Variants in GRIK1 observed in about 807,000 individuals in gnomAD.
The protein encoded by GRIK1 is glutamate receptor ionotropic, kainate 1.
GRIK1 carries 69 observed loss-of-function variants against 105.7 expected under a neutral mutation model. The ratio of observed to expected loss-of-function variants is 0.65; its 90% CI spans 0.54 to 0.80. The LOEUF (loss-of-function observed/expected upper bound fraction) is 0.80. GRIK1 is among the 30% of genes least tolerant of loss of function. The pLI, the probability that GRIK1 is intolerant of heterozygous loss-of-function variation, is 0.00. For synonymous variants in GRIK1, 438 were observed against 431.3 expected, an observed-to-expected ratio of 1.02 and a Z score of -0.19; for missense variants, 1,109 against 1,167.3, an observed-to-expected ratio of 0.95 and a Z score of 0.73.
intron 3 of GRIK1, among the ~76,000 whole-genome samples, chr21:29,674,991 A>G (rs2063238162): frequency 6.6e-6 from 1 of 152,208 alleles, no homozygotes; most frequent in African/African-American, 2.4e-5. Flanking sequence ...GTCATGAACT[A>G]CTGAGGAGCA....
intron 3 of GRIK1, among the ~76,000 whole-genome samples, chr21:29,686,910 A>T (rs541943058): frequency 1.1e-4 from 16 of 152,274 alleles, no homozygotes; most frequent in African/African-American, 3.6e-4. Context: ...CTAATGAATC[A>T]TGAGGGGAGG....
intron 16 of GRIK1, among the ~76,000 whole-genome samples, chr21:29,540,455 G>A (rs185981960): frequency 6.6e-6 from 1 of 152,136 alleles, no homozygotes; most frequent in Admixed American, 6.5e-5. Context: ...AGTTTTTGCT[G>A]TAGTCACAAG....
chr21:29,900,449 A>C (rs2070353052), intron 1 of GRIK1, among the ~76,000 whole-genome samples: 1 of 147,204 alleles, frequency 6.8e-6, no homozygotes, highest in South Asian at 2.2e-4. Flanking sequence ...TCTACCAAAC[A>C]AATGGAAAGC....
chr21:29,741,993 G>A (rs1054169877), intron 1 of GRIK1, among the ~76,000 whole-genome samples: 1 of 152,114 alleles, frequency 6.6e-6, no homozygotes, highest in African/African-American at 2.4e-5. Flanking sequence ...TCATGGAGAA[G>A]GTACAATGGC....
intron 1 of GRIK1, among the ~76,000 whole-genome samples, chr21:29,834,280 T>C (rs904366836): frequency 6.7e-6 from 1 of 149,874 alleles, no homozygotes; most frequent in African/African-American, 2.4e-5. Context: ...AATTTATTTT[T>C]TGAAAACTAT....
intron 4 of GRIK1, among the ~76,000 whole-genome samples, chr21:29,667,589 G>T (rs1008174801): frequency 1.3e-5 from 2 of 152,114 alleles, no homozygotes; most frequent in African/African-American, 4.8e-5. Flanking sequence ...AATATTCATT[G>T]CCACTAGTGT....
chr21:29,791,955 AT>A (rs1384643494), intron 1 of GRIK1, among the ~76,000 whole-genome samples: 1 of 152,172 alleles, frequency 6.6e-6, no homozygotes, highest in African/African-American at 2.4e-5. Flanking sequence ...GCAAATAAGA[AT>A]GTTTGCTTTA....
At chr21:29,667,737 A>G (rs901799478) in intron 4 of GRIK1, among the ~76,000 whole-genome samples, 3 of 152,142 alleles carry the variant, frequency 2.0e-5, no homozygotes, top group East Asian at 1.9e-4. Context: ...GGAGCTTCCC[A>G]TTGAATGGAG....
At chr21:29,588,066 C>G in intron 11 of GRIK1, among the ~76,000 whole-genome samples, 1 of 145,738 alleles carries the variant, frequency 6.9e-6, no homozygotes, top group Non-Finnish European at 1.5e-5. Flanking sequence ...GATCCACCTC[C>G]CAGGTTCATG....
intron 1 of GRIK1, among the ~76,000 whole-genome samples, chr21:29,695,397 A>G (rs1284340691): frequency 6.6e-6 from 1 of 152,058 alleles, no homozygotes; most frequent in Non-Finnish European, 1.5e-5. Context: ...AATGCTAAAC[A>G]CTTGTAACTT....
rs187947004 is a variant in GRIK1, at chr21:29,783,919, G to A, written c.119-89856C>T. Among the ~76,000 whole-genome samples, 834 of 152,116 alleles carry A rather than the reference G, an allele frequency of 5.5e-3. 6 individuals are homozygous for A. The highest frequency in any genetic ancestry group is 6.4e-3 in the Non-Finnish European group (434 of 67,966). On this transcript the variant is annotated intron_variant, in intron 1 of 17. Coordinates refer to ENST00000327783, the MANE Select transcript of GRIK1 (RefSeq NM_001330994.2). ...CAGCCCTATGAACAAACTGAGCCCC[G>A]ACTGTTGTTTTTTTGCTCTTTGTTT...
At chr21:29,716,610 A>G (rs1309098493) in intron 1 of GRIK1, among the ~76,000 whole-genome samples, 1 of 152,210 alleles carries the variant, frequency 6.6e-6, no homozygotes, top group Non-Finnish European at 1.5e-5. Flanking sequence ...GCAAAGAGAC[A>G]GCATTTTGCT....
intron 1 of GRIK1, among the ~76,000 whole-genome samples, chr21:29,880,359 T>A (rs1490358327): frequency 6.6e-6 from 1 of 152,168 alleles, no homozygotes; most frequent in African/African-American, 2.4e-5. Flanking sequence ...CAACTTCAGA[T>A]GTGCATTAAG....
At chr21:29,624,319 A>G (rs2062072986) in intron 7 of GRIK1, among the ~76,000 whole-genome samples, 1 of 152,168 alleles carries the variant, frequency 6.6e-6, no homozygotes, top group African/African-American at 2.4e-5. Flanking sequence ...GAGTGAATCT[A>G]GATTTAGGTA....
intron 1 of GRIK1, among the ~76,000 whole-genome samples, chr21:29,775,603 A>G (rs1432925030): frequency 1.3e-5 from 2 of 152,164 alleles, no homozygotes; most frequent in East Asian, 3.9e-4. Context: ...AAGGAAAAAA[A>G]GGGCAACAGG....
chr21:29,575,127 A>G (rs2832400), intron 14 of GRIK1, among the ~76,000 whole-genome samples: 19,478 of 152,164 alleles, frequency 0.13, 3,094 homozygotes, highest in African/African-American at 0.37. Context: ...TTAAAACAAT[A>G]CCTTTTTATT....
chr21:29,818,962 T>C (rs766395061), intron 1 of GRIK1, among the ~76,000 whole-genome samples: 5 of 152,042 alleles, frequency 3.3e-5, no homozygotes, highest in South Asian at 2.1e-4. Flanking sequence ...CTAGGTCTAC[T>C]ATGGTTATTA....
chr21:29,781,796 C>G (rs1446769922), intron 1 of GRIK1, among the ~76,000 whole-genome samples: 26 of 145,378 alleles, frequency 1.8e-4, no homozygotes, highest in East Asian at 4.2e-4. Context: ...TCAGCCTCCC[C>G]AGTAGCTGGG....
Position 29,537,128 on chromosome 21 carries a change from G to T in GRIK1, c.*102C>A. On this transcript the variant is annotated 3_prime_UTR_variant, in exon 18 of 18. Coordinates refer to ENST00000327783, the MANE Select transcript of GRIK1 (RefSeq NM_001330994.2). ...TATCTGTATTCATAATCAGAGTTAT[G>T]GATATAGATATATGGAAACACATCA... 1.5e-6 allele frequency: 1 copy of T among 668,458 alleles called. No homozygotes were observed. The highest frequency in any genetic ancestry group is 2.4e-6 in the Non-Finnish European group (1 of 420,620). The allele number at this position is 668,458 out of a possible 1,614,324, so 41.4% of individuals were successfully genotyped here.
Sources: allele counts gnomAD v4.1 joint callset (sites outside exome capture counted in the v4.1 genomes callset), GRCh38; gene constraint gnomAD v4.1.1; transcripts MANE v1.5; gene names NCBI Gene and HGNC (gene_info 2026-07-23, HGNC 2026-07-21).